The following MOCOS variants were observed in gnomAD, a reference collection of about 807,000 sequenced individuals.
MOCOS encodes the protein human molybdenum cofactor sulfurase.
A neutral mutation model predicts 83.6 loss-of-function variants in MOCOS; 86 were observed. The ratio of observed to expected loss-of-function variants is 1.03; its 90% CI spans 0.86 to 1.23. MOCOS has a LOEUF of 1.23. Ranked by LOEUF, MOCOS falls within the 50% of genes most tolerant of loss-of-function variation. The pLI, the probability that MOCOS is intolerant of heterozygous loss-of-function variation, is 0.00. For missense variants in MOCOS, 1,120 were observed against 1,126.9 expected (o/e 0.99, Z 0.09); for synonymous variants, 445 against 434.7 (o/e 1.02, Z -0.29).
At chr18:36,199,445 A>G (rs1043654117) in intron 3 of MOCOS, among the ~76,000 whole-genome samples, 2 of 152,212 alleles carry the variant, frequency 1.3e-5, no homozygotes, top group Non-Finnish European at 2.9e-5. Context: ...TTTATTGTGG[A>G]TTTTTTGTCA....
intron 9 of MOCOS, among the ~76,000 whole-genome samples, chr18:36,241,200 A>C (rs2091581344): frequency 6.6e-6 from 1 of 152,216 alleles, no homozygotes. Context: ...GCATTAACTC[A>C]AAAGTCCACA....
chr18:36,262,249 C>G (rs970799998), intron 13 of MOCOS, among the ~76,000 whole-genome samples: 1 of 2,086 alleles, frequency 4.8e-4, no homozygotes, highest in Non-Finnish European at 1.1e-3. Context: ...TCGTCTCTCT[C>G]TACACACACA....
intron 2 of MOCOS, 106 bp from the exon 3 acceptor site, chr18:36,198,584 G>C (rs916901949): frequency 2.3e-5 from 26 of 1,131,598 alleles, no homozygotes; most frequent in Non-Finnish European, 2.9e-5. Context: ...TGATATGGTA[G>C]TTTTATGTTG....
chr18:36,215,543 G>A lies in MOCOS; in HGVS notation c.1363G>A (p.Asp455Asn). The A allele has an allele frequency of 6.2e-7, 1 of 1,614,086 alleles. No homozygotes were observed. ...TGGTCATGTCTGTGGGGACAATATG[G>A]ACCTCATAGATGGGCAGCCCACAGG... ...QAGHVCGDNM[D>N]LIDGQPTGSV... Residue 455 changes from aspartate to asparagine, a missense_variant, in exon 8 of 15, where the codon GAC (aspartate) becomes AAC (asparagine). Physicochemically the swap from Asp to Asn is conservative, Grantham distance 23. Transcript: ENST00000261326.
At chr18:36,207,452 A>G (rs1260691359) in intron 6 of MOCOS, among the ~76,000 whole-genome samples, 1 of 152,188 alleles carries the variant, frequency 6.6e-6, no homozygotes, top group African/African-American at 2.4e-5. Flanking sequence ...CCACAACCTC[A>G]GCAGCATATG....
chr18:36,209,472 C>G (rs537985688), intron 6 of MOCOS, among the ~76,000 whole-genome samples: 1 of 152,200 alleles, frequency 6.6e-6, no homozygotes, highest in East Asian at 1.9e-4. Flanking sequence ...CAATATGTAG[C>G]CTTTTATCCC....
chr18:36,215,378 C>CGCACA, intron 7 of MOCOS, 138 bp from the exon 8 acceptor site: 2 of 826,088 alleles, frequency 2.4e-6, no homozygotes, highest in Non-Finnish European at 2.0e-6. Flanking sequence ...ATGTCCCAGA[C>CGCACA]GCACAGCACA....
intron 9 of MOCOS, among the ~76,000 whole-genome samples, chr18:36,229,554 G>A (rs550825903): frequency 6.6e-6 from 1 of 152,172 alleles, no homozygotes; most frequent in African/African-American, 2.4e-5. Flanking sequence ...CTGGATTTGG[G>A]AAGTTTTCAG....
chr18:36,229,614 G>C (rs1350007065), intron 9 of MOCOS, among the ~76,000 whole-genome samples: 6 of 151,970 alleles, frequency 3.9e-5, no homozygotes, highest in Admixed American at 3.9e-4. Flanking sequence ...TCTTTTCAAA[G>C]TTTTAGACTC....
Position 36,203,193 on chromosome 18 carries a change from A to C in MOCOS, c.1018+4A>C. 2 of 1,613,126 alleles carry C rather than the reference A, an allele frequency of 1.2e-6. No individual in the cohort carries two copies. The highest frequency in any genetic ancestry group is 1.7e-6 in the Non-Finnish European group (2 of 1,179,086). ...GACACCCTAGAGCGCCTCACAGGTC[A>C]GTGGACATTTCTATCCCTGTGGAAT... is the stretch of plus-strand genomic sequence containing the variant. On this transcript the variant is annotated splice_donor_region_variant and intron_variant, in intron 5 of 14. Coordinates refer to ENST00000261326, the MANE Select transcript of MOCOS (RefSeq NM_017947.4).
At chr18:36,265,919 GT>G (rs1413139063) in intron 13 of MOCOS, among the ~76,000 whole-genome samples, 1 of 152,060 alleles carries the variant, frequency 6.6e-6, no homozygotes, top group Non-Finnish European at 1.5e-5. Context: ...ATGTAGCATG[GT>G]TTACTTAACC....
At chr18:36,205,646 G>A (rs889257647) in intron 6 of MOCOS, among the ~76,000 whole-genome samples, 4 of 152,220 alleles carry the variant, frequency 2.6e-5, no homozygotes, top group Admixed American at 2.6e-4. Flanking sequence ...GGAACCAAAT[G>A]TTACTCCCAG....
chr18:36,237,630 A>G (rs188823524), intron 9 of MOCOS, among the ~76,000 whole-genome samples: 4 of 151,886 alleles, frequency 2.6e-5, no homozygotes, highest in East Asian at 1.9e-4. Flanking sequence ...TTGGTATCAG[A>G]ATGATGCTGG....
At chr18:36,216,618 A>C (rs1368715764) in intron 8 of MOCOS, among the ~76,000 whole-genome samples, 1 of 152,214 alleles carries the variant, frequency 6.6e-6, no homozygotes, top group Non-Finnish European at 1.5e-5. Flanking sequence ...AGAATTTTAA[A>C]AACTACCATT....
intron 6 of MOCOS, among the ~76,000 whole-genome samples, chr18:36,205,623 C>G (rs2091431964): frequency 1.3e-5 from 2 of 152,194 alleles, no homozygotes; most frequent in African/African-American, 4.8e-5. Flanking sequence ...CGGGGTGTCA[C>G]AGATGGACAA....
chr18:36,226,851 A>G (rs2091517841), intron 9 of MOCOS, among the ~76,000 whole-genome samples: 2 of 149,520 alleles, frequency 1.3e-5, no homozygotes, highest in African/African-American at 4.9e-5. Flanking sequence ...TACTTTACGT[A>G]TGGTTGTCAG....
At chr18:36,238,596 A>G (rs1484834249) in intron 9 of MOCOS, among the ~76,000 whole-genome samples, 41 of 147,738 alleles carry the variant, frequency 2.8e-4, no homozygotes, top group African/African-American at 9.6e-4. Flanking sequence ...GGTGCTGAAA[A>G]GAATGTATAT....
chr18:36,198,891 TG>T (rs778030061), intron 3 of MOCOS, 135 bp downstream of exon 3: 54 of 893,722 alleles, frequency 6.0e-5, no homozygotes, highest in Non-Finnish European at 8.7e-5. Context: ...AATGCATGTA[TG>T]TTGAGAAACA....
chr18:36,221,296 A>G (rs1172692235), intron 9 of MOCOS, among the ~76,000 whole-genome samples: 1 of 152,042 alleles, frequency 6.6e-6, no homozygotes, highest in Non-Finnish European at 1.5e-5. Context: ...GCACGGGTAT[A>G]AAGAATAATA....
Sources: allele counts gnomAD v4.1 joint callset (sites outside exome capture counted in the v4.1 genomes callset), GRCh38; gene constraint gnomAD v4.1.1; transcripts MANE v1.5; gene names NCBI Gene and HGNC (gene_info 2026-07-23, HGNC 2026-07-21).